The following SNAI3 variants were observed in gnomAD, a reference collection of about 807,000 sequenced individuals.
SNAI3 encodes the protein zinc finger protein SNAI3.
A neutral mutation model predicts 16.4 loss-of-function variants in SNAI3; 21 were observed. The observed-to-expected ratio is 1.28, with a 90% confidence interval of 0.91 to 1.85. SNAI3 has a LOEUF of 1.85. Ranked by LOEUF, SNAI3 falls within the 40% of genes most tolerant of loss-of-function variation. The pLI is 0.00. For synonymous variants in SNAI3, 202 were observed against 166.6 expected, an observed-to-expected ratio of 1.21 and a Z score of -1.64; for missense variants, 457 against 372.8, an observed-to-expected ratio of 1.23 and a Z score of -1.86.
At position 88,681,275 on chromosome 16, in the gene SNAI3, C is replaced by T; in HGVS notation, c.516G>A (p.Gln172=). ...GCCCCACCTGCAGGTGGCAGTGCAG[C>T]TGCCGGTGCCTGGCCAGCCCGGCCA... is the stretch of plus-strand genomic sequence containing the variant. ...HTLAGLARHR[Q]LHCHLQVGRV... is the part of the protein sequence containing the mutation. Residue 172 remains glutamine, a synonymous_variant, in exon 2 of 3, where the codon CAG becomes CAA. Coordinates refer to ENST00000332281, the MANE Select transcript of SNAI3 (RefSeq NM_178310.4). The surrounding 1 kb of genome is among the most constrained non-coding windows in gnomAD (Gnocchi z 5.4). The T allele has an allele frequency of 6.2e-7, 1 of 1,613,354 alleles. No individual in the cohort carries two copies. The highest frequency in any genetic ancestry group is 8.5e-7 in the Non-Finnish European group (1 of 1,179,928).
At chr16:88,683,108 C>CA (rs1163746320) in intron 1 of SNAI3, among the ~76,000 whole-genome samples, 4 of 108,362 alleles carry the variant, frequency 3.7e-5, no homozygotes, top group Non-Finnish European at 7.1e-5. Flanking sequence ...TTTTTTGAGA[C>CA]AGAGTCTTGC....
chr16:88,686,359 G>A lies in SNAI3; in HGVS notation c.48C>T (p.Pro16=), dbSNP rs908650746. 1.9e-6 allele frequency: 3 copies of A among 1,612,476 alleles called. No homozygotes were observed. Among genetic ancestry groups the A allele is most frequent in the Non-Finnish European group, 2.5e-6 (3 of 1,179,696 alleles). ...TCTGCGTCTCCAGCCGCCGGTAGTT[G>A]GGGACCCTGTGGCTGGAGTGCGTTT... ...LVKTHSSHRV[P]NYRRLETQRE... The change falls in exon 1 of 3, where the codon CCC becomes CCT. Residue 16 remains proline, a synonymous_variant. Transcript: ENST00000332281.
chr16:88,678,960 T>C (rs1446602109), intron 2 of SNAI3: 2 of 985,188 alleles, frequency 2.0e-6, no homozygotes, highest in Non-Finnish European at 2.4e-6. Flanking sequence ...TCTGGCCAGC[T>C]CCAGCAGAAT....
chr16:88,679,775 A>AAAAAAAAAAAAAAAAAAG (rs1555545688), intron 2 of SNAI3, among the ~76,000 whole-genome samples: 20 of 106,562 alleles, frequency 1.9e-4, no homozygotes, highest in African/African-American at 5.2e-4. Flanking sequence ...AAAAAAAAAA[A>AAAAAAAAAAAAAAAAAAG]AAAAAAAGAA....
chr16:88,678,838 C>G, intron 2 of SNAI3: 1 of 985,392 alleles, frequency 1.0e-6, no homozygotes, highest in Non-Finnish European at 1.2e-6. Flanking sequence ...TGCTAGATCT[C>G]CTAGTGTTGC....
At position 88,678,548 on chromosome 16, in the gene SNAI3, G is replaced by A. The variant is rs143163666; in HGVS notation, c.779C>T (p.Ser260Leu). ...CCGGCACCGGTACTTCTTGGCGTCT[G>A]AGTGCGTTTGCAGATGGGCCCGAAG... ...SNLRAHLQTH[S>L]DAKKYRCRRC... Residue 260 changes from serine to leucine, a missense_variant, in exon 3 of 3, where the codon TCA becomes TTA. Coordinates refer to ENST00000332281, the MANE Select transcript of SNAI3 (RefSeq NM_178310.4). 2.3e-5 allele frequency: 19 copies of A among 812,148 alleles called. No homozygotes were observed. The African/African-American group carries it at 2.5e-4, about 11-fold the overall frequency. The allele number at this position is 812,148 out of a possible 1,614,324, so 50.3% of individuals were successfully genotyped here.
At position 88,678,259 on chromosome 16, in the gene SNAI3, G is replaced by C. The variant is rs1052197698; in HGVS notation, c.*189C>G. 3.5e-6 allele frequency: 2 copies of C among 568,310 alleles called. No individual in the cohort carries two copies. Among genetic ancestry groups the C allele is most frequent in the African/African-American group, 3.9e-5 (2 of 51,268 alleles). 35.2% of individuals were successfully genotyped at this position (568,310 alleles called of 1,614,324 possible). On this transcript the variant is annotated 3_prime_UTR_variant, in exon 3 of 3. Transcript: ENST00000332281. ...GTGGGCTCCGCGCGGTGGGATGCCTGGGGGAGTGTCCTCCGGCCCAGTGGC... is the reference window on the plus strand; with the variant it reads ...GTGGGCTCCGCGCGGTGGGATGCCTCGGGGAGTGTCCTCCGGCCCAGTGGC...
Position 88,681,725 on chromosome 16 carries a change from G to A in SNAI3, c.77-11C>T. On this transcript the variant is annotated splice_polypyrimidine_tract_variant and intron_variant, in intron 1 of 2. Coordinates refer to ENST00000332281, the MANE Select transcript of SNAI3 (RefSeq NM_178310.4). This position sits in a 1 kb window ranked among gnomAD's most constrained non-coding sequence, Gnocchi z 5.4. ...AGGCACCATTGATTTCTAGAGGGGT[G>A]GAGGGGAGAGAATAGAAAGATGAAG... 7.0e-7 allele frequency: 1 copy of A among 1,427,878 alleles called. No homozygotes were observed. Among genetic ancestry groups the A allele is most frequent in the Non-Finnish European group, 9.2e-7 (1 of 1,086,118 alleles). 88.5% of individuals were successfully genotyped at this position (1,427,878 alleles called of 1,614,324 possible). A position where few individuals can be genotyped will look rare whatever the true frequency, so the allele number is the denominator to read the frequency against.
chr16:88,684,093 C>G (rs1909274666), intron 1 of SNAI3, among the ~76,000 whole-genome samples: 1 of 152,226 alleles, frequency 6.6e-6, no homozygotes, highest in South Asian at 2.1e-4. Flanking sequence ...TCCTCCCACC[C>G]TCAGTTTTCC....
rs1909160591 is a variant in SNAI3, at chr16:88,681,362, C to T, written c.429G>A (p.Glu143=). 2 of 1,612,916 alleles carry T rather than the reference C, an allele frequency of 1.2e-6. No homozygotes were observed. Among genetic ancestry groups the T allele is most frequent in the Non-Finnish European group, 1.7e-6 (2 of 1,179,714 alleles). Reference sequence around the variant, plus strand: ...AGCCGCCCGGGGCTCGGGGCATCCGCTCAGCCCCAAGCAGTTTTTCCGGAG... The same window carrying T: ...AGCCGCCCGGGGCTCGGGGCATCCGTTCAGCCCCAAGCAGTTTTTCCGGAG... ...HGAPEKLLGA[E]RMPRAPGGFE... Residue 143 remains glutamate, a synonymous_variant, in exon 2 of 3, where the codon GAG becomes GAA. Coordinates refer to ENST00000332281, the MANE Select transcript of SNAI3 (RefSeq NM_178310.4). This position sits in a 1 kb window ranked among gnomAD's most constrained non-coding sequence, Gnocchi z 5.4.
Position 88,678,434 on chromosome 16 carries a change from C to A in SNAI3, c.*14G>T, listed in dbSNP as rs767498715. 1 of 760,432 alleles carries A rather than the reference C, an allele frequency of 1.3e-6. No individual in the cohort carries two copies. Among genetic ancestry groups the A allele is most frequent in the Non-Finnish European group, 2.4e-6 (1 of 413,616 alleles). The allele number at this position is 760,432 out of a possible 1,614,324, so 47.1% of individuals were successfully genotyped here. The stretch of plus-strand genomic sequence containing the variant: ...TGAGGACCATCCCTCCTACCTGCGC[C>A]GACCACGTGCCTCTCAGGGGCCCGG... On this transcript the variant is annotated 3_prime_UTR_variant, in exon 3 of 3. Coordinates refer to ENST00000332281, the MANE Select transcript of SNAI3 (RefSeq NM_178310.4).
rs1243149317 is a variant in SNAI3 at position 88,678,209 on chromosome 16, T to G, written c.*239A>C. The G allele has an allele frequency of 2.1e-6, 1 of 466,268 alleles. No individual in the cohort carries two copies. Among genetic ancestry groups the G allele is most frequent in the Admixed American group, 3.9e-5 (1 of 25,716 alleles). The allele number at this position is 466,268 out of a possible 1,614,324, so 28.9% of individuals were successfully genotyped here. A position where few individuals can be genotyped will look rare whatever the true frequency, so the allele number is the denominator to read the frequency against. On this transcript the variant is annotated 3_prime_UTR_variant, in exon 3 of 3. Transcript: ENST00000332281. ...ATGGCTCTTGTTCTGATGAAAGCCT[T>G]CCCCGGGAGAGGAGTCTCCTCTGAG...
chr16:88,679,112 G>A (rs1352775624), intron 2 of SNAI3: 2 of 984,718 alleles, frequency 2.0e-6, no homozygotes, highest in Non-Finnish European at 2.4e-6. Flanking sequence ...GGAATCGTTT[G>A]TTCATTCCTG....
chr16:88,684,373 G>C (rs1909283790), intron 1 of SNAI3, among the ~76,000 whole-genome samples: 1 of 152,254 alleles, frequency 6.6e-6, no homozygotes, highest in Non-Finnish European at 1.5e-5. Flanking sequence ...GCAAGAGACA[G>C]TCTCGCCCCG....
rs184210098 is a variant in SNAI3 at position 88,678,853 on chromosome 16, G to A, written c.698-224C>T. The A allele has an allele frequency of 2.4e-3, 2,399 of 985,448 alleles. 19 individuals are homozygous for A. The highest frequency in any genetic ancestry group is 2.0e-3 in the Non-Finnish European group (1,700 of 829,920). The allele number at this position is 985,448 out of a possible 1,614,324, so 61.0% of individuals were successfully genotyped here. On this transcript the variant is annotated intron_variant, in intron 2 of 2. Transcript: ENST00000332281. ...TGCTAGATCTCCTAGTGTTGCTGCA[G>A]TAGCCCTCCCGGGGCCCTTGGCCAC...
chr16:88,686,363 A>T lies in SNAI3; in HGVS notation c.44T>A (p.Val15Asp), dbSNP rs1338786871. 3.7e-6 allele frequency: 6 copies of T among 1,612,038 alleles called. No homozygotes were observed. Among genetic ancestry groups the T allele is most frequent in the Non-Finnish European group, 5.1e-6 (6 of 1,179,578 alleles). The stretch of plus-strand genomic sequence containing the variant: ...CGTCTCCAGCCGCCGGTAGTTGGGG[A>T]CCCTGTGGCTGGAGTGCGTTTTCAC... ...FLVKTHSSHR[V>D]PNYRRLETQR... Residue 15 changes from valine (V) to aspartate (D), a missense_variant, in exon 1 of 3, where the codon GTC becomes GAC. Coordinates refer to ENST00000332281, the MANE Select transcript of SNAI3 (RefSeq NM_178310.4).
At chr16:88,680,259 T>C (rs1168356418) in intron 2 of SNAI3, among the ~76,000 whole-genome samples, 4 of 145,818 alleles carry the variant, frequency 2.7e-5, no homozygotes, top group Admixed American at 6.9e-5. Flanking sequence ...TGTACTTTAA[T>C]GGCATTATGT....
rs1268615920 is a variant in SNAI3 at position 88,682,000 on chromosome 16, T to A, written c.77-286A>T. On this transcript the variant is annotated intron_variant, in intron 1 of 2. Transcript: ENST00000332281. The surrounding 1 kb of genome is among the most constrained non-coding windows in gnomAD (Gnocchi z 5.4). ...ACAAAGAAACATCTGACGGGACCCT[T>A]TGTGTTCAGGAACATGAAACAGGCC... 6.6e-6 allele frequency among the ~76,000 whole-genome samples: 1 copy of A among 152,130 alleles called. No individual in the cohort carries two copies. The highest frequency in any genetic ancestry group is 1.5e-5 in the Non-Finnish European group (1 of 68,012).
chr16:88,681,805 G>A lies in SNAI3; in HGVS notation c.77-91C>T. ...ACTCTGATTCGTGGACCCAGTCACA[G>A]CCCATCAGCAGCCTGGCGTGGGAGG... On this transcript the variant is annotated intron_variant, in intron 1 of 2. Transcript: ENST00000332281. This position sits in a 1 kb window ranked among gnomAD's most constrained non-coding sequence, Gnocchi z 5.4. 1.6e-6 allele frequency: 2 copies of A among 1,286,714 alleles called. No homozygotes were observed. Among genetic ancestry groups the A allele is most frequent in the East Asian group, 2.8e-5 (1 of 35,768 alleles). The allele number at this position is 1,286,714 out of a possible 1,614,324, so 79.7% of individuals were successfully genotyped here.
Sources: allele counts gnomAD v4.1 joint callset (sites outside exome capture counted in the v4.1 genomes callset), GRCh38; gene constraint gnomAD v4.1.1; non-coding constraint Gnocchi (gnomAD v3.1); transcripts MANE v1.5; gene names NCBI Gene and HGNC (gene_info 2026-07-23, HGNC 2026-07-21).